The following SSUH2 variants were observed in gnomAD, a reference collection of about 807,000 sequenced individuals.
SSUH2 encodes the protein ssu-2 homolog, also known as protein SSUH2 homolog.
SSUH2 carries 47 observed loss-of-function variants against 55.3 expected under a neutral mutation model. That is an observed-to-expected ratio of 0.85 (90% CI 0.67 to 1.08). The LOEUF is 1.08. Among genes scored for constraint, SSUH2 ranks in the 50% least tolerant of loss-of-function variants. The pLI is 0.00. For missense variants in SSUH2, 535 were observed against 490.7 expected, an observed-to-expected ratio of 1.09 and a Z score of -0.85; for synonymous variants, 212 against 191.5, an observed-to-expected ratio of 1.11 and a Z score of -0.89.
chr3:8,665,199 A>G (rs115179622), intron 5 of SSUH2, among the ~76,000 whole-genome samples: 514 of 152,284 alleles, frequency 3.4e-3, no homozygotes, highest in Non-Finnish European at 5.4e-3. Flanking sequence ...AGAAAAAGAG[A>G]AAAGGAAGAA....
chr3:8,619,855 C>G lies in SSUH2; in HGVS notation c.*13G>C, dbSNP rs766583434. The G allele has an allele frequency of 6.2e-7, 1 of 1,611,252 alleles. No homozygotes were observed. Among genetic ancestry groups the G allele is most frequent in the Non-Finnish European group, 8.5e-7 (1 of 1,178,754 alleles). ...AAACGTGAATGGCAGGCTCTGGGGACAGCCATGCTATGTCACACGATGGTA... is the reference window on the plus strand; with the variant it reads ...AAACGTGAATGGCAGGCTCTGGGGAGAGCCATGCTATGTCACACGATGGTA... On this transcript the variant is annotated 3_prime_UTR_variant, in exon 12 of 12. Transcript: ENST00000544814.
chr3:8,650,459 A>C (rs1449282316), intron 7 of SSUH2, among the ~76,000 whole-genome samples: 3 of 152,252 alleles, frequency 2.0e-5, no homozygotes, highest in Non-Finnish European at 2.9e-5. Flanking sequence ...ATATATTCTT[A>C]TGCAGGGACT....
At chr3:8,651,735 C>T (rs1702437193) in intron 7 of SSUH2, among the ~76,000 whole-genome samples, 1 of 152,142 alleles carries the variant, frequency 6.6e-6, no homozygotes, top group African/African-American at 2.4e-5. Context: ...TGATGTTAGG[C>T]CTCCCATCTA....
intron 7 of SSUH2, among the ~76,000 whole-genome samples, chr3:8,658,091 C>T (rs2640821): frequency 6.6e-6 from 1 of 152,218 alleles, no homozygotes; most frequent in Admixed American, 6.5e-5. Flanking sequence ...CTGGGTAACC[C>T]TGGGCAGGTC....
chr3:8,652,852 G>C (rs1271756020), intron 7 of SSUH2, among the ~76,000 whole-genome samples: 2 of 152,054 alleles, frequency 1.3e-5, no homozygotes, highest in African/African-American at 4.8e-5. Flanking sequence ...TCTCTCCTCT[G>C]TGTCTTCAGG....
intron 3 of SSUH2, 139 bp downstream of exon 3, chr3:8,635,161 C>A: frequency 1.5e-6 from 1 of 657,640 alleles, no homozygotes; most frequent in South Asian, 2.1e-5. Flanking sequence ...AGCCCCATCC[C>A]TGGAGGATCT....
At chr3:8,672,113 GA>G (rs1297122010) in intron 3 of SSUH2, 1 of 152,064 alleles carries the variant, frequency 6.6e-6, no homozygotes, top group Admixed American at 6.5e-5. Context: ...CTCCCACGTT[GA>G]AATTAGGAAC....
intron 7 of SSUH2, 152 bp downstream of exon 7, chr3:8,629,512 C>T (rs538444089): frequency 6.7e-5 from 43 of 646,370 alleles, no homozygotes; most frequent in African/African-American, 1.8e-4. Flanking sequence ...ATTTTATAGA[C>T]GGGAAAATGG....
intron 5 of SSUH2, among the ~76,000 whole-genome samples, chr3:8,669,426 T>G (rs1345857755): frequency 6.6e-6 from 1 of 152,174 alleles, no homozygotes; most frequent in Admixed American, 6.5e-5. Context: ...TAGACAAACT[T>G]TATCAGAGCA....
At chr3:8,647,582 T>C (rs1701862783), upstream of SSUH2, among the ~76,000 whole-genome samples, 1 of 152,192 alleles carries the variant, frequency 6.6e-6, no homozygotes, top group Non-Finnish European at 1.5e-5. Flanking sequence ...GAACAGTGCC[T>C]GGTCTGGTTA....
At position 8,623,660 on chromosome 3, in the gene SSUH2, G is replaced by A. The variant is rs1290164460; in HGVS notation, c.874-4C>T. The A allele has an allele frequency of 2.7e-6, 4 of 1,483,130 alleles. No individual in the cohort carries two copies. In the East Asian group the frequency reaches 7.6e-5, roughly 28 times the overall value. The allele number at this position is 1,483,130 out of a possible 1,614,324, so 91.9% of individuals were successfully genotyped here. A position where few individuals can be genotyped will look rare whatever the true frequency, so the allele number is the denominator to read the frequency against. On this transcript the variant is annotated splice_region_variant and splice_polypyrimidine_tract_variant and intron_variant, in intron 10 of 11. Coordinates refer to ENST00000544814, the MANE Select transcript of SSUH2 (RefSeq NM_001256748.3). ...GGAAGTCCACGATGGGGTACACCTG[G>A]GGGAAAGAGAGAGAGACACAGACCA...
chr3:8,681,713 G>A (rs552382355), intron 1 of SSUH2, among the ~76,000 whole-genome samples: 1 of 150,306 alleles, frequency 6.7e-6, no homozygotes, highest in East Asian at 2.0e-4. Context: ...ATCGCAGCGG[G>A]GGGAGGCACC....
intron 11 of SSUH2, among the ~76,000 whole-genome samples, chr3:8,621,955 A>G (rs897106393): frequency 6.9e-6 from 1 of 145,222 alleles, no homozygotes; most frequent in Non-Finnish European, 1.5e-5. Context: ...CCCTGCCTCT[A>G]TCTGCTTCTG....
At chr3:8,630,198 A>G (rs867433880) in intron 6 of SSUH2, among the ~76,000 whole-genome samples, 2 of 152,226 alleles carry the variant, frequency 1.3e-5, no homozygotes, top group Non-Finnish European at 1.5e-5. Flanking sequence ...CGACCTCTCA[A>G]AGTACTCTTT....
At chr3:8,651,950 C>A in intron 7 of SSUH2, 1 of 152,732 alleles carries the variant, frequency 6.5e-6, no homozygotes. Context: ...TCTCCTCCCT[C>A]CATCTCCGTG....
At chr3:8,664,883 G>A (rs1365805768) in intron 5 of SSUH2, among the ~76,000 whole-genome samples, 1 of 152,198 alleles carries the variant, frequency 6.6e-6, no homozygotes, top group Non-Finnish European at 1.5e-5. Context: ...CTCAAGAAAG[G>A]CATCTCCCGA....
intron 10 of SSUH2, among the ~76,000 whole-genome samples, chr3:8,625,301 G>A (rs1272599952): frequency 6.6e-6 from 1 of 151,926 alleles, no homozygotes; most frequent in Non-Finnish European, 1.5e-5. Flanking sequence ...GAGAAAGAGA[G>A]TATTAGGAAG....
intron 1 of SSUH2, among the ~76,000 whole-genome samples, chr3:8,681,169 G>C (rs1322724574): frequency 7.5e-6 from 1 of 133,344 alleles, no homozygotes; most frequent in African/African-American, 2.6e-5. Flanking sequence ...GCAGGGGGGG[G>C]AGTCACCCCA....
At chr3:8,634,597 G>C in intron 3 of SSUH2, 1 of 1,289,504 alleles carries the variant, frequency 7.8e-7, no homozygotes, top group South Asian at 1.2e-5. Context: ...AAGAGACACT[G>C]TGGGCTGGAG....
Sources: allele counts gnomAD v4.1 joint callset (sites outside exome capture counted in the v4.1 genomes callset), GRCh38; gene constraint gnomAD v4.1.1; transcripts MANE v1.5; gene names NCBI Gene and HGNC (gene_info 2026-07-23, HGNC 2026-07-21).